PPIG: variants seen among roughly 807,000 people sequenced by gnomAD.
PPIG encodes the protein peptidylprolyl isomerase G.
A neutral mutation model predicts 87.9 loss-of-function variants in PPIG; 26 were observed. That is an observed-to-expected ratio of 0.30 (90% CI 0.22 to 0.41). The LOEUF (loss-of-function observed/expected upper bound fraction) is 0.41. PPIG is among the 10% of genes least tolerant of loss of function. The pLI is 1.00. For synonymous variants in PPIG, 308 were observed against 276.5 expected (o/e 1.11, Z -1.13); for missense variants, 722 against 879.4 (o/e 0.82, Z 2.26).
At chr2:169,625,464 C>T (rs1021492602) in intron 9 of PPIG, among the ~76,000 whole-genome samples, 4 of 152,082 alleles carry the variant, frequency 2.6e-5, no homozygotes, top group Non-Finnish European at 5.9e-5. Flanking sequence ...TGCCCTACAC[C>T]CTGTATAAAA....
chr2:169,619,783 G>T (rs979994695), intron 9 of PPIG, among the ~76,000 whole-genome samples: 1 of 151,844 alleles, frequency 6.6e-6, no homozygotes. Flanking sequence ...TGTAACAGGT[G>T]TGAAGTGCTA....
At chr2:169,589,672 T>C (rs943151614) in intron 1 of PPIG, among the ~76,000 whole-genome samples, 2 of 152,050 alleles carry the variant, frequency 1.3e-5, no homozygotes, top group Non-Finnish European at 1.5e-5. Flanking sequence ...GGGGGGTTGT[T>C]TTTTTGGGAA....
chr2:169,602,703 G>A (rs1685218459), intron 1 of PPIG, among the ~76,000 whole-genome samples: 1 of 152,182 alleles, frequency 6.6e-6, no homozygotes, highest in Non-Finnish European at 1.5e-5. Context: ...TGCTGGTCTA[G>A]AGCCTTAAAA....
At chr2:169,620,473 T>C (rs1205674994) in intron 9 of PPIG, among the ~76,000 whole-genome samples, 2 of 152,122 alleles carry the variant, frequency 1.3e-5, no homozygotes, top group African/African-American at 4.8e-5. Context: ...TTGCTTCCAC[T>C]GAGTTTTTGT....
chr2:169,628,699 G>A (rs547887761), intron 9 of PPIG, among the ~76,000 whole-genome samples: 2 of 152,084 alleles, frequency 1.3e-5, no homozygotes, highest in Non-Finnish European at 2.9e-5. Flanking sequence ...CAACACTTAC[G>A]GAGGTTGAGA....
chr2:169,619,087 C>T (rs1402831032), intron 9 of PPIG, among the ~76,000 whole-genome samples: 5 of 152,122 alleles, frequency 3.3e-5, no homozygotes, highest in Non-Finnish European at 7.3e-5. Flanking sequence ...TGTCTTTGTT[C>T]TCATTGGTTT....
intron 9 of PPIG, among the ~76,000 whole-genome samples, chr2:169,626,126 T>G (rs1285964745): frequency 6.6e-6 from 1 of 152,222 alleles, no homozygotes; most frequent in African/African-American, 2.4e-5. Context: ...ATAATACTTG[T>G]GACTTTGAGA....
chr2:169,611,972 CTATTTATT>C (rs199977660), intron 7 of PPIG, among the ~76,000 whole-genome samples: 11 of 151,894 alleles, frequency 7.2e-5, no homozygotes, highest in Non-Finnish European at 1.5e-4. Context: ...TTGTTTATAG[CTATTTATT>C]TATTTATTTA....
intron 1 of PPIG, among the ~76,000 whole-genome samples, chr2:169,586,827 A>G (rs188997555): frequency 4.8e-4 from 73 of 152,344 alleles, no homozygotes; most frequent in African/African-American, 1.7e-3. Context: ...TTAGAATCCC[A>G]GTGTACTAAG....
chr2:169,602,117 C>T (rs1685199795), intron 1 of PPIG, among the ~76,000 whole-genome samples: 1 of 152,006 alleles, frequency 6.6e-6, no homozygotes, highest in African/African-American at 2.4e-5. Context: ...ATTACACATA[C>T]AATTCAGGCT....
intron 1 of PPIG, among the ~76,000 whole-genome samples, chr2:169,588,970 A>AC (rs1424576981): frequency 1.3e-5 from 2 of 151,736 alleles, no homozygotes; most frequent in African/African-American, 2.4e-5. Context: ...AAAAAAAAAA[A>AC]AAAAAAAAAA....
Position 169,604,035 on chromosome 2 carries a change from T to C in PPIG, c.-7T>C, listed in dbSNP as rs747132386. 2 of 1,612,982 alleles carry C rather than the reference T, an allele frequency of 1.2e-6. No individual in the cohort carries two copies. Among genetic ancestry groups the C allele is most frequent in the East Asian group, 2.2e-5 (1 of 44,852 alleles). ...TGTATTTTACTCACAGATTAAGTAT[T>C]GGAGCCATGGGAATAAAGGTTCAAC... On this transcript the variant is annotated 5_prime_UTR_variant, in exon 3 of 14. Transcript: ENST00000260970.
chr2:169,604,296 C>A, intron 4 of PPIG, 35 bp downstream of exon 4: 1 of 1,104,614 alleles, frequency 9.1e-7, no homozygotes, highest in Non-Finnish European at 1.3e-6. Context: ...TAATAGTAGT[C>A]TCAGTTGACT....
chr2:169,586,265 A>C (rs2592799), intron 1 of PPIG, among the ~76,000 whole-genome samples: 61,239 of 151,628 alleles, frequency 0.4, 12,912 homozygotes, highest in East Asian at 0.58. Flanking sequence ...AGGCTTTTCT[A>C]GGCAGTCAGT....
At chr2:169,597,973 T>G (rs887856985) in intron 1 of PPIG, among the ~76,000 whole-genome samples, 1 of 151,762 alleles carries the variant, frequency 6.6e-6, no homozygotes, top group Non-Finnish European at 1.5e-5. Flanking sequence ...AGTGCTGGGA[T>G]TATAAGCATG....
At chr2:169,585,199 A>T (rs1316873334) in intron 1 of PPIG, among the ~76,000 whole-genome samples, 1 of 151,126 alleles carries the variant, frequency 6.6e-6, no homozygotes, top group South Asian at 2.1e-4. Context: ...ATTACTCTTT[A>T]GGAGGAAGAT....
chr2:169,622,930 A>C (rs969809972), intron 9 of PPIG, among the ~76,000 whole-genome samples: 4 of 152,174 alleles, frequency 2.6e-5, no homozygotes, highest in African/African-American at 9.7e-5. Context: ...AGAGATTTAC[A>C]CCTGTTTTTT....
In PPIG at chr2:169,636,978, A is replaced by C; in HGVS notation, c.1720A>C (p.Arg574=). 6.2e-7 allele frequency: 1 copy of C among 1,614,004 alleles called. No homozygotes were observed. The highest frequency in any genetic ancestry group is 8.5e-7 in the Non-Finnish European group (1 of 1,179,958). ...AAGCAGAAGTAGGGACAGAAGCAGA[A>C]GAGTGCGATCAAGAACCCATGACAG... ...ERSRSRDRSR[R]VRSRTHDRDR... The change falls in exon 14 of 14, where the codon AGA becomes CGA. Residue 574 remains arginine (R), a synonymous_variant. Transcript: ENST00000260970.
intron 1 of PPIG, among the ~76,000 whole-genome samples, chr2:169,602,046 C>T (rs1004431640): frequency 3.3e-5 from 5 of 152,150 alleles, no homozygotes; most frequent in African/African-American, 1.2e-4. Flanking sequence ...GAAAATTTCA[C>T]ACATAAGTAC....
Sources: gnomAD v4.1 joint callset for allele counts (sites outside exome capture counted in the v4.1 genomes callset) on GRCh38, gnomAD v4.1.1 for gene constraint, MANE v1.5 for transcripts, NCBI Gene and HGNC (gene_info 2026-07-23, HGNC 2026-07-21) for gene names.